Variants in ADGRD1 observed in about 807,000 individuals in gnomAD.
The protein encoded by ADGRD1 is G-protein coupled receptor 133.
A neutral mutation model predicts 113.4 loss-of-function variants in ADGRD1; 77 were observed. The ratio of observed to expected loss-of-function variants is 0.68; its 90% confidence interval spans 0.57 to 0.82. The LOEUF (loss-of-function observed/expected upper bound fraction) is 0.82. Among genes scored for constraint, ADGRD1 ranks in the 40% least tolerant of loss-of-function variants. ADGRD1 has a pLI of 0.00. For missense variants in ADGRD1, 1,036 were observed against 1,139.1 expected (o/e 0.91, Z 1.30); for synonymous variants, 474 against 475.0 (o/e 1.00, Z 0.03).
At position 131,012,506 on chromosome 12, in the gene ADGRD1, C is replaced by T. The variant is rs961445812; in HGVS notation, c.1332-1693C>T. Among the ~76,000 whole-genome samples the T allele has an allele frequency of 5.3e-5, 8 of 152,232 alleles. No individual in the cohort carries two copies. The South Asian group carries it at 1.5e-3, about 28-fold the overall frequency. On this transcript the variant is annotated intron_variant, in intron 12 of 24. Transcript: ENST00000261654. ...CAGACAGGGTGTTCATTCTCTATGGCGCCATCTTTGTAAACACTTTGTATT... is the reference window on the plus strand; with the variant it reads ...CAGACAGGGTGTTCATTCTCTATGGTGCCATCTTTGTAAACACTTTGTATT...
intron 24 of ADGRD1, among the ~76,000 whole-genome samples, chr12:131,138,606 C>T (rs373005560): frequency 1.3e-5 from 2 of 152,194 alleles, no homozygotes; most frequent in Admixed American, 6.5e-5. Flanking sequence ...CTGCTTCCCC[C>T]CTGCTGGAGC....
intron 13 of ADGRD1, among the ~76,000 whole-genome samples, chr12:131,071,880 C>T (rs1173573077): frequency 6.6e-6 from 1 of 151,086 alleles, no homozygotes; most frequent in Non-Finnish European, 1.5e-5. Flanking sequence ...TTCTCGGAGA[C>T]ATCGCAGCTG....
intron 14 of ADGRD1, among the ~76,000 whole-genome samples, chr12:131,077,679 G>C (rs1396502089): frequency 6.6e-6 from 1 of 152,170 alleles, no homozygotes; most frequent in Non-Finnish European, 1.5e-5. Context: ...TGTTCCATGT[G>C]GGATGCAGGT....
chr12:131,021,259 C>G (rs1879281150), intron 13 of ADGRD1, among the ~76,000 whole-genome samples: 1 of 152,102 alleles, frequency 6.6e-6, no homozygotes, highest in South Asian at 2.1e-4. Flanking sequence ...TCCTCACTTG[C>G]AGCTTTTTTT....
At chr12:131,071,670 G>A (rs547297603) in intron 13 of ADGRD1, among the ~76,000 whole-genome samples, 9 of 152,326 alleles carry the variant, frequency 5.9e-5, no homozygotes, top group African/African-American at 1.2e-4. Flanking sequence ...ACGCACTGGC[G>A]GGTCCTATGT....
intron 13 of ADGRD1, among the ~76,000 whole-genome samples, chr12:131,029,626 C>T (rs370207692): frequency 2.0e-5 from 3 of 148,164 alleles, no homozygotes; most frequent in African/African-American, 5.1e-5. Flanking sequence ...GTTGTGGACC[C>T]GTCGTAGGTG....
rs1397333908 is a variant in ADGRD1 at position 131,003,725 on chromosome 12, T to G, written c.1144+423T>G. 6.6e-6 allele frequency among the ~76,000 whole-genome samples: 1 copy of G among 152,236 alleles called. No homozygotes were observed. The highest frequency in any genetic ancestry group is 1.5e-5 in the Non-Finnish European group (1 of 68,042). On this transcript the variant is annotated intron_variant, in intron 10 of 24. Transcript: ENST00000261654. The surrounding 1 kb of genome is among the most constrained non-coding windows in gnomAD (Gnocchi z 4.8). The stretch of plus-strand genomic sequence containing the variant: ...GATGACCTTTCGATTTTAAAAGTCT[T>G]TACCAGGAGTGCATTATCCTGCTGA...
chr12:130,997,889 G>A (rs1875806789), intron 8 of ADGRD1, among the ~76,000 whole-genome samples: 1 of 152,200 alleles, frequency 6.6e-6, no homozygotes, highest in Non-Finnish European at 1.5e-5. Context: ...CCCAGATCAC[G>A]CCACTGCACT....
rs530717059 is a variant in ADGRD1, at chr12:131,034,009, C to T, written c.1473+19669C>T. Among the ~76,000 whole-genome samples the T allele has an allele frequency of 3.3e-5, 5 of 152,320 alleles. No homozygotes were observed. The East Asian group carries it at 9.6e-4, about 29-fold the overall frequency. ...GGTACCCATCGTCACCATCACCAGC[C>T]TTGCCCCTGGTTTCACTGTCTACCC... On this transcript the variant is annotated intron_variant, in intron 13 of 24. Coordinates refer to ENST00000261654, the MANE Select transcript of ADGRD1 (RefSeq NM_198827.5).
In ADGRD1 at chr12:130,966,734, C is replaced by G; in HGVS notation, c.187+188C>G. The G allele has an allele frequency of 1.7e-6, 1 of 592,230 alleles. No homozygotes were observed. Among genetic ancestry groups the G allele is most frequent in the Non-Finnish European group, 3.0e-6 (1 of 330,352 alleles). 36.7% of individuals were successfully genotyped at this position (592,230 alleles called of 1,614,324 possible). On this transcript the variant is annotated intron_variant, in intron 3 of 24. Coordinates refer to ENST00000261654, the MANE Select transcript of ADGRD1 (RefSeq NM_198827.5). This position sits in a 1 kb window ranked among gnomAD's most constrained non-coding sequence, Gnocchi z 4.6. ...GATGTGGACACAATCTGCTTTGAAG[C>G]CACGGTGATAGAGATGAACAAATAC...
At chr12:131,029,534 CCCCT>C in intron 13 of ADGRD1, among the ~76,000 whole-genome samples, 1 of 151,354 alleles carries the variant, frequency 6.6e-6, no homozygotes, top group African/African-American at 2.4e-5. Context: ...AGGTTGTGGA[CCCCT>C]CGTTCGGTGA....
intron 5 of ADGRD1, among the ~76,000 whole-genome samples, chr12:130,982,534 CCCT>C (rs1420798344): frequency 6.6e-6 from 1 of 152,176 alleles, no homozygotes; most frequent in Non-Finnish European, 1.5e-5. Context: ...CTCTTCCTCC[CCCT>C]CCTCTTCTTC....
intron 13 of ADGRD1, among the ~76,000 whole-genome samples, chr12:131,073,980 CT>C (rs1234564732): frequency 6.6e-6 from 1 of 152,164 alleles, no homozygotes; most frequent in Non-Finnish European, 1.5e-5. Flanking sequence ...AACACATGAG[CT>C]TTTGGGGGAC....
chr12:131,054,423 C>T (rs1430425783), intron 13 of ADGRD1, among the ~76,000 whole-genome samples: 2 of 152,178 alleles, frequency 1.3e-5, no homozygotes, highest in African/African-American at 2.4e-5. Flanking sequence ...TTCCACTCAG[C>T]ATTATTGTTT....
intron 20 of ADGRD1, 78 bp downstream of exon 20, chr12:131,120,991 CG>C: frequency 7.5e-7 from 1 of 1,329,752 alleles, no homozygotes; most frequent in Non-Finnish European, 1.1e-6. Context: ...CTGGAGATGG[CG>C]GGGGGCTCCC....
At chr12:131,110,789 G>A (rs572615949) in intron 18 of ADGRD1, among the ~76,000 whole-genome samples, 1 of 152,228 alleles carries the variant, frequency 6.6e-6, no homozygotes, top group East Asian at 1.9e-4. Flanking sequence ...AACTTTCTTT[G>A]TTATTTCTTG....
chr12:131,066,519 C>G (rs890596852), intron 13 of ADGRD1, among the ~76,000 whole-genome samples: 1 of 152,212 alleles, frequency 6.6e-6, no homozygotes, highest in Non-Finnish European at 1.5e-5. Context: ...TTCATCCCAC[C>G]GAAGTTCACG....
chr12:131,070,832 C>T (rs1361284495), intron 13 of ADGRD1: 1 of 519,042 alleles, frequency 1.9e-6, no homozygotes, highest in Admixed American at 1.9e-5. Flanking sequence ...GTTGGCTGGC[C>T]TCTAGTGCCC....
At chr12:130,982,823 GA>G (rs1873180954) in intron 5 of ADGRD1, among the ~76,000 whole-genome samples, 1 of 152,154 alleles carries the variant, frequency 6.6e-6, no homozygotes, top group Non-Finnish European at 1.5e-5. Flanking sequence ...GGAAGCTGGA[GA>G]AGGGGAACAG....
Sources: gnomAD v4.1 joint callset for allele counts (sites outside exome capture counted in the v4.1 genomes callset) on GRCh38, gnomAD v4.1.1 for gene constraint, Gnocchi (gnomAD v3.1) non-coding constraint, MANE v1.5 for transcripts, NCBI Gene and HGNC (gene_info 2026-07-23, HGNC 2026-07-21) for gene names.